DOCK5: variants seen among roughly 807,000 people sequenced by gnomAD.
DOCK5 encodes dedicator of cytokinesis protein 5.
Under a neutral mutation model 251.8 loss-of-function variants are expected in DOCK5, and 142 were observed. The observed-to-expected ratio is 0.56, with a 90% CI of 0.49 to 0.65. The LOEUF (loss-of-function observed/expected upper bound fraction) is 0.65. Among genes scored for constraint, DOCK5 ranks in the 30% least tolerant of loss-of-function variants. The pLI is 0.00. For synonymous variants in DOCK5, 842 were observed against 835.5 expected (o/e 1.01, Z -0.13); for missense variants, 2,111 against 2,312.3 (o/e 0.91, Z 1.79).
At chr8:25,363,005 C>G (rs772087529) in intron 28 of DOCK5, 42 bp from the exon 29 acceptor site, 4 of 1,491,810 alleles carry the variant, frequency 2.7e-6, no homozygotes, top group Non-Finnish European at 3.7e-6. Flanking sequence ...AGACTATGAA[C>G]GTAACCCAGT....
At position 25,325,435 on chromosome 8, in the gene DOCK5, A is replaced by C. The variant is rs1563202590; in HGVS notation, c.1791A>C (p.Glu597Asp). The change falls in exon 18 of 52, where the codon GAA becomes GAC. Residue 597 changes from glutamate (E) to aspartate (D), a missense_variant. Coordinates refer to ENST00000276440, the MANE Select transcript of DOCK5 (RefSeq NM_024940.8). ...CTGGAACCAAGATGGAGATGGAAGA[A>C]AAAGAGCTTCAAGCATCCAAAAACC... ...TLPGTKMEME[E>D]KELQASKNLV... is the part of the protein sequence containing the mutation. 6.2e-7 allele frequency: 1 copy of C among 1,614,014 alleles called. No individual in the cohort carries two copies. The highest frequency in any genetic ancestry group is 8.5e-7 in the Non-Finnish European group (1 of 1,179,874).
intron 18 of DOCK5, among the ~76,000 whole-genome samples, chr8:25,329,454 T>C (rs1042286556): frequency 6.6e-6 from 1 of 152,196 alleles, no homozygotes; most frequent in African/African-American, 2.4e-5. Context: ...ACAGTATTAA[T>C]GTAGTTAATA....
chr8:25,378,557 T>G (rs1801003819), intron 38 of DOCK5, among the ~76,000 whole-genome samples: 1 of 152,184 alleles, frequency 6.6e-6, no homozygotes. Flanking sequence ...TGAACAGGAA[T>G]GAAGCAGGAG....
chr8:25,351,712 A>G lies in DOCK5; in HGVS notation c.2755-19A>G, dbSNP rs555446701. 6.9e-6 allele frequency: 11 copies of G among 1,604,652 alleles called. No individual in the cohort carries two copies. The highest frequency in any genetic ancestry group is 9.4e-6 in the Non-Finnish European group (11 of 1,173,380). ...AACTGAGTCAGAAGGAATGGAGTCAAATCCTGTGTTCCCTGCAGGGTGCCA... is the reference window on the plus strand; with the variant it reads ...AACTGAGTCAGAAGGAATGGAGTCAGATCCTGTGTTCCCTGCAGGGTGCCA... On this transcript the variant is annotated intron_variant, in intron 26 of 51. Coordinates refer to ENST00000276440, the MANE Select transcript of DOCK5 (RefSeq NM_024940.8).
intron 13 of DOCK5, among the ~76,000 whole-genome samples, chr8:25,312,756 C>T (rs1420704373): frequency 3.8e-5 from 3 of 78,908 alleles, no homozygotes; most frequent in South Asian, 8.9e-4. Context: ...AACAAGACTC[C>T]GTCTCAAAAA....
At position 25,332,267 on chromosome 8, in the gene DOCK5, G is replaced by A. The variant is rs1484912180; in HGVS notation, c.1920G>A (p.Leu640=). The A allele has an allele frequency of 2.5e-6, 4 of 1,613,518 alleles. No homozygotes were observed. The highest frequency in any genetic ancestry group is 3.4e-6 in the Non-Finnish European group (4 of 1,179,636). ...KLTQNVDLLG[L]LNWRSNSQNI... ...TCTTCCTAGTTGACCTGTTAGGCTT[G>A]TTAAATTGGCGTTCCAACTCCCAGA... Residue 640 remains leucine, a synonymous_variant, in exon 19 of 52, where the codon TTG becomes TTA. Transcript: ENST00000276440.
At chr8:25,293,839 A>C (rs1320104271) in intron 6 of DOCK5, among the ~76,000 whole-genome samples, 2 of 152,162 alleles carry the variant, frequency 1.3e-5, no homozygotes, top group African/African-American at 4.8e-5. Flanking sequence ...CCCCATCTCT[A>C]CTAAAAATAT....
intron 2 of DOCK5, among the ~76,000 whole-genome samples, chr8:25,247,763 T>C (rs1044577332): frequency 2.6e-5 from 4 of 152,174 alleles, no homozygotes; most frequent in Non-Finnish European, 4.4e-5. Flanking sequence ...TCAAATACCA[T>C]GCACTTGAGT....
chr8:25,350,676 G>C (rs1800451214), intron 26 of DOCK5, among the ~76,000 whole-genome samples: 1 of 152,184 alleles, frequency 6.6e-6, no homozygotes, highest in Non-Finnish European at 1.5e-5. Context: ...TGCCAGCGTG[G>C]TTAAGTTTTG....
chr8:25,296,111 C>T (rs1474120186), intron 6 of DOCK5, among the ~76,000 whole-genome samples: 3 of 152,138 alleles, frequency 2.0e-5, no homozygotes, highest in South Asian at 4.1e-4. Context: ...TGAACCACGA[C>T]GCCTGGCAAA....
At position 25,292,151 on chromosome 8, in the gene DOCK5, C is replaced by G; in HGVS notation, c.449C>G (p.Ala150Gly). Residue 150 changes from alanine to glycine, a missense_variant, in exon 6 of 52, where the codon GCC becomes GGC. Ala to Gly is a moderately conservative substitution (Grantham distance 60). Coordinates refer to ENST00000276440, the MANE Select transcript of DOCK5 (RefSeq NM_024940.8). ...GCAGAGCTCAAGAAGAAAGTCACAG[C>G]CAAAATTGATCATGGGAACAGGTAG... ...ELAELKKKVT[A>G]KIDHGNRMLG... 1 of 1,580,386 alleles carries G rather than the reference C, an allele frequency of 6.3e-7. No homozygotes were observed. Among genetic ancestry groups the G allele is most frequent in the Non-Finnish European group, 8.6e-7 (1 of 1,164,868 alleles).
At chr8:25,319,823 A>G (rs1805372742) in intron 15 of DOCK5, 147 bp downstream of exon 15, 1 of 573,920 alleles carries the variant, frequency 1.7e-6, no homozygotes, top group South Asian at 2.3e-5. Context: ...ATCAGTAATT[A>G]TAATTCTGTA....
chr8:25,274,869 G>GT (rs1386916102), intron 3 of DOCK5, among the ~76,000 whole-genome samples: 1 of 152,066 alleles, frequency 6.6e-6, no homozygotes, highest in Non-Finnish European at 1.5e-5. Flanking sequence ...CTGTGTAAAA[G>GT]TATATGCGGG....
chr8:25,373,718 T>C, intron 36 of DOCK5, 60 bp downstream of exon 36: 1 of 1,483,418 alleles, frequency 6.7e-7, no homozygotes, highest in Non-Finnish European at 9.2e-7. Context: ...GATTGATTTC[T>C]TCAGTAAACA....
At position 25,341,799 on chromosome 8, in the gene DOCK5, G is replaced by A. The variant is rs1358488274; in HGVS notation, c.2500G>A (p.Val834Ile). Reference sequence around the variant, plus strand: ...TGATGTCAAACTTGTATTTGATCCTGTTGAGCTCAGGTAAATAGCAAAACA... The same window carrying A: ...TGATGTCAAACTTGTATTTGATCCTATTGAGCTCAGGTAAATAGCAAAACA... ...INDVKLVFDP[V>I]ELSVLFCKFI... is the part of the protein sequence containing the mutation. Residue 834 changes from valine (V) to isoleucine (I), a missense_variant, in exon 24 of 52, where the codon GTT becomes ATT. Around this residue, in one of 3 missense-constraint regions of DOCK5, gnomAD observed 1,717 missense variants for 1,892.4 expected, o/e 0.91. Coordinates refer to ENST00000276440, the MANE Select transcript of DOCK5 (RefSeq NM_024940.8). 7 of 1,568,096 alleles carry A rather than the reference G, an allele frequency of 4.5e-6. No homozygotes were observed. Among genetic ancestry groups the A allele is most frequent in the Non-Finnish European group, 8.7e-7 (1 of 1,154,716 alleles).
At chr8:25,402,328 G>A (rs1466586296) in intron 47 of DOCK5, among the ~76,000 whole-genome samples, 2 of 151,246 alleles carry the variant, frequency 1.3e-5, no homozygotes, top group Non-Finnish European at 2.9e-5. Context: ...ACAGAGTCTC[G>A]CTCTGTCGCC....
chr8:25,410,287 C>A, intron 51 of DOCK5, 85 bp downstream of exon 51: 1 of 1,153,652 alleles, frequency 8.7e-7, no homozygotes. Flanking sequence ...CTTTAGTGGG[C>A]AGGTTTGCTC....
chr8:25,287,073 T>C (rs532361994), intron 5 of DOCK5, among the ~76,000 whole-genome samples: 2 of 152,342 alleles, frequency 1.3e-5, no homozygotes, highest in African/African-American at 4.8e-5. Flanking sequence ...GCCCCTCAAA[T>C]TTCTATAATA....
intron 45 of DOCK5, among the ~76,000 whole-genome samples, chr8:25,398,896 C>A (rs922318870): frequency 4.6e-5 from 7 of 152,296 alleles, no homozygotes; most frequent in Non-Finnish European, 1.0e-4. Context: ...ATAATTCAAC[C>A]CATAATGTCT....
Sources: gnomAD v4.1 joint callset for allele counts (sites outside exome capture counted in the v4.1 genomes callset) on GRCh38, gnomAD v4.1.1 for gene constraint, gnomAD v4.1.1 regional missense constraint, MANE v1.5 for transcripts, NCBI Gene and HGNC (gene_info 2026-07-23, HGNC 2026-07-21) for gene names.